The following NTM variants were observed in gnomAD, a reference collection of about 807,000 sequenced individuals.
NTM encodes neurotrimin.
In NTM, 13 loss-of-function variants were observed where a neutral mutation model predicts 42.1. The ratio of observed to expected loss-of-function variants is 0.31; its 90% CI spans 0.20 to 0.49. The LOEUF (loss-of-function observed/expected upper bound fraction) is 0.49. Among genes scored for constraint, NTM ranks in the 20% least tolerant of loss-of-function variants. The probability of loss-of-function intolerance (pLI) is 0.99; values close to 1 mark genes in which losing one functional copy is unlikely to be tolerated. For synonymous variants in NTM, 187 were observed against 179.2 expected, an observed-to-expected ratio of 1.04 and a Z score of -0.35; for missense variants, 373 against 452.8, an observed-to-expected ratio of 0.82 and a Z score of 1.60.
At chr11:131,613,365 T>A (rs1169741404) in intron 1 of NTM, among the ~76,000 whole-genome samples, 2 of 152,116 alleles carry the variant, frequency 1.3e-5, no homozygotes, top group Non-Finnish European at 1.5e-5. Context: ...ATTTTACAGT[T>A]ATTCCAAAGC....
chr11:131,917,440 A>G (rs1468172272), intron 2 of NTM, among the ~76,000 whole-genome samples: 1 of 152,204 alleles, frequency 6.6e-6, no homozygotes, highest in Non-Finnish European at 1.5e-5. Flanking sequence ...GCCACAGATG[A>G]GGTGTGTTGG....
chr11:131,694,138 C>A (rs2075137481), intron 1 of NTM, among the ~76,000 whole-genome samples: 1 of 152,182 alleles, frequency 6.6e-6, no homozygotes, highest in South Asian at 2.1e-4. Context: ...ACAGTATTTG[C>A]AGATGCTCAC....
At chr11:132,161,127 T>A (rs1392165710) in intron 3 of NTM, among the ~76,000 whole-genome samples, 1 of 152,096 alleles carries the variant, frequency 6.6e-6, no homozygotes, top group African/African-American at 2.4e-5. Flanking sequence ...CCTTCTTGCC[T>A]GGCCAGGGCT....
intron 4 of NTM, among the ~76,000 whole-genome samples, chr11:132,241,986 C>A (rs1182064246): frequency 6.6e-6 from 1 of 152,214 alleles, no homozygotes; most frequent in Non-Finnish European, 1.5e-5. Context: ...GTGAGTAAAA[C>A]CTATATTATG....
rs2067924157 is a variant in NTM at position 131,660,752 on chromosome 11, G to A, written c.83-250812G>A. 3 of 704,928 alleles carry A rather than the reference G, an allele frequency of 4.3e-6. No individual in the cohort carries two copies. The Admixed American group carries it at 1.1e-4, about 25-fold the overall frequency. The allele number at this position is 704,928 out of a possible 1,614,324, so 43.7% of individuals were successfully genotyped here. A position where few individuals can be genotyped will look rare whatever the true frequency, so the allele number is the denominator to read the frequency against. ...AAACAAAAGGAAAATCACGAAGGGA[G>A]ACTGGGCCCTGGGGATAGGCTACTT... On this transcript the variant is annotated intron_variant, in intron 1 of 8. Transcript: ENST00000683400.
intron 2 of NTM, among the ~76,000 whole-genome samples, chr11:132,053,997 C>A (rs1470729379): frequency 3.3e-5 from 5 of 152,206 alleles, no homozygotes; most frequent in Non-Finnish European, 7.3e-5. Context: ...GGGCGGATCT[C>A]TTGAGCCCAG....
At chr11:132,026,919 C>A (rs2075266193) in intron 2 of NTM, among the ~76,000 whole-genome samples, 1 of 152,186 alleles carries the variant, frequency 6.6e-6, no homozygotes, top group Non-Finnish European at 1.5e-5. Flanking sequence ...TCCTCATGTT[C>A]CTTCTGTCCT....
chr11:132,242,213 C>T (rs2090330097), intron 4 of NTM, among the ~76,000 whole-genome samples: 1 of 152,220 alleles, frequency 6.6e-6, no homozygotes, highest in South Asian at 2.1e-4. Flanking sequence ...GGAAGTCAAG[C>T]TGTCTTGATT....
chr11:131,445,819 G>A (rs1192379343), intron 1 of NTM, among the ~76,000 whole-genome samples: 2 of 152,162 alleles, frequency 1.3e-5, no homozygotes, highest in African/African-American at 4.8e-5. Flanking sequence ...AGCAAACTCA[G>A]CAAAACCCAC....
intron 2 of NTM, among the ~76,000 whole-genome samples, chr11:132,053,279 A>G (rs2079116432): frequency 1.3e-5 from 2 of 152,218 alleles, no homozygotes; most frequent in Non-Finnish European, 2.9e-5. Flanking sequence ...TCCGAGGCTT[A>G]CCCGATGCCA....
At chr11:131,393,833 A>T (rs1056675009) in intron 1 of NTM, among the ~76,000 whole-genome samples, 2 of 152,216 alleles carry the variant, frequency 1.3e-5, no homozygotes, top group African/African-American at 4.8e-5. Flanking sequence ...TCCACCAGTG[A>T]TACGTGCAAT....
chr11:131,717,264 A>C (rs1481396457), intron 1 of NTM, among the ~76,000 whole-genome samples: 4 of 152,192 alleles, frequency 2.6e-5, no homozygotes, highest in Non-Finnish European at 5.9e-5. Context: ...GCCAATTTCT[A>C]CTAAAAAATT....
chr11:131,851,778 C>A (rs1225014778), intron 1 of NTM, among the ~76,000 whole-genome samples: 1 of 151,934 alleles, frequency 6.6e-6, no homozygotes, highest in Admixed American at 6.6e-5. Flanking sequence ...AAAATAACTG[C>A]CAAATGATGG....
intron 2 of NTM, among the ~76,000 whole-genome samples, chr11:132,080,168 A>C (rs533955605): frequency 6.8e-6 from 1 of 145,986 alleles, no homozygotes; most frequent in African/African-American, 2.6e-5. Flanking sequence ...AACTCAGGTA[A>C]GTTTTATCAT....
chr11:131,887,172 G>A (rs1565680485), intron 1 of NTM, among the ~76,000 whole-genome samples: 1 of 152,230 alleles, frequency 6.6e-6, no homozygotes, highest in Non-Finnish European at 1.5e-5. Flanking sequence ...AGGTAACTAT[G>A]TGATGTGATG....
At chr11:131,707,383 A>C (rs1386125134) in intron 1 of NTM, among the ~76,000 whole-genome samples, 1 of 151,968 alleles carries the variant, frequency 6.6e-6, no homozygotes. Context: ...CATTTTCTTT[A>C]TTCATTCATC....
chr11:131,762,238 C>T (rs2084330863), intron 1 of NTM, among the ~76,000 whole-genome samples: 1 of 152,100 alleles, frequency 6.6e-6, no homozygotes, highest in Non-Finnish European at 1.5e-5. Flanking sequence ...CCATGTGGCT[C>T]AATAGAAAAA....
intron 1 of NTM, among the ~76,000 whole-genome samples, chr11:131,806,508 A>T (rs2092490536): frequency 6.6e-6 from 1 of 152,140 alleles, no homozygotes; most frequent in African/African-American, 2.4e-5. Flanking sequence ...TATTAAATAT[A>T]TAAAGATTAT....
At chr11:131,652,432 C>T (rs1053757707) in intron 1 of NTM, among the ~76,000 whole-genome samples, 4 of 152,156 alleles carry the variant, frequency 2.6e-5, no homozygotes, top group African/African-American at 9.7e-5. Context: ...GTTCCCTTGG[C>T]CTGGGGCCCA....
Sources: gnomAD v4.1 joint callset for allele counts (sites outside exome capture counted in the v4.1 genomes callset) on GRCh38, gnomAD v4.1.1 for gene constraint, MANE v1.5 for transcripts, NCBI Gene and HGNC (gene_info 2026-07-23, HGNC 2026-07-21) for gene names.